The following AKT3 variants were observed in gnomAD, a reference collection of about 807,000 sequenced individuals.
AKT3 encodes the protein RAC-gamma serine/threonine-protein kinase.
AKT3 carries 15 observed loss-of-function variants against 65.3 expected under a neutral mutation model. The ratio of observed to expected loss-of-function variants is 0.23; its 90% CI spans 0.15 to 0.35. AKT3 has a LOEUF of 0.35. Among genes scored for constraint, AKT3 ranks in the 10% least tolerant of loss-of-function variants. AKT3 has a pLI of 1.00. For missense variants in AKT3, 243 were observed against 576.5 expected (o/e 0.42, Z 5.92); for synonymous variants, 206 against 183.8 (o/e 1.12, Z -0.98).
chr1:243,572,485 C>T (rs564227751), intron 9 of AKT3, among the ~76,000 whole-genome samples: 39 of 152,184 alleles, frequency 2.6e-4, no homozygotes, highest in Non-Finnish European at 5.0e-4. Context: ...AAATAAAACA[C>T]GAGGCACATT....
In AKT3 at chr1:243,501,484, A is replaced by ACAT. The variant is rs1669294860; in HGVS notation, c.*3762_*3764dup. On this transcript the variant is annotated 3_prime_UTR_variant, in exon 14 of 14. Coordinates refer to ENST00000673466, the MANE Select transcript of AKT3 (RefSeq NM_005465.7). ...CCTCCTTCATCCCTGGCTTCACAGT[A>ACAT]CATCCATCCTAAATCCAGTGCTGAG... The ACAT allele has an allele frequency of 1.3e-5, 3 of 233,122 alleles. No homozygotes were observed. In the South Asian group the frequency reaches 5.4e-4, roughly 42 times the overall value. The allele number at this position is 233,122 out of a possible 1,614,324, so 14.4% of individuals were successfully genotyped here.
chr1:243,709,781 A>G (rs2148070726), intron 2 of AKT3, among the ~76,000 whole-genome samples: 1 of 152,190 alleles, frequency 6.6e-6, no homozygotes, highest in East Asian at 1.9e-4. Context: ...AGATGCCAGG[A>G]AACAACAACT....
chr1:243,581,610 A>G (rs1675363055), intron 8 of AKT3, among the ~76,000 whole-genome samples: 1 of 152,130 alleles, frequency 6.6e-6, no homozygotes, highest in Admixed American at 6.5e-5. Context: ...CTGCATGAAA[A>G]TAATTACAGA....
chr1:243,636,612 C>T (rs930562240), intron 6 of AKT3, among the ~76,000 whole-genome samples: 2 of 152,088 alleles, frequency 1.3e-5, no homozygotes, highest in Non-Finnish European at 2.9e-5. Flanking sequence ...ATATTGAGCA[C>T]ATTCGGCTTC....
chr1:243,759,087 G>C (rs1689329285), intron 2 of AKT3, among the ~76,000 whole-genome samples: 2 of 152,196 alleles, frequency 1.3e-5, no homozygotes, highest in African/African-American at 4.8e-5. Context: ...GCCAAGGCAG[G>C]AGGATCACTT....
At chr1:243,613,065 A>T (rs1009023530) in intron 8 of AKT3, 2 of 108,304 alleles carry the variant, frequency 1.8e-5, no homozygotes, top group Non-Finnish European at 4.1e-5. Context: ...AATTATATAT[A>T]TATATATATA....
At chr1:243,736,786 A>C (rs1196653143) in intron 2 of AKT3, among the ~76,000 whole-genome samples, 1 of 152,190 alleles carries the variant, frequency 6.6e-6, no homozygotes, top group Admixed American at 6.5e-5. Flanking sequence ...TCTACTTTAA[A>C]ACACCTCAAA....
intron 1 of AKT3, among the ~76,000 whole-genome samples, chr1:243,848,744 A>AC (rs1170815890): frequency 6.6e-6 from 1 of 152,254 alleles, no homozygotes; most frequent in African/African-American, 2.4e-5. Flanking sequence ...TTTAGCCTCA[A>AC]CTAAAATCAA....
chr1:243,532,193 CAG>C (rs999480806), intron 12 of AKT3, among the ~76,000 whole-genome samples: 1 of 152,152 alleles, frequency 6.6e-6, no homozygotes, highest in African/African-American at 2.4e-5. Flanking sequence ...TTCCTTATCT[CAG>C]GGGAAAAACT....
intron 4 of AKT3, among the ~76,000 whole-genome samples, chr1:243,661,434 G>T (rs1470931608): frequency 2.6e-5 from 4 of 151,868 alleles, no homozygotes; most frequent in Non-Finnish European, 5.9e-5. Context: ...TGACAAACCT[G>T]AGAAAAACAA....
chr1:243,775,309 T>C (rs765481573), intron 2 of AKT3, among the ~76,000 whole-genome samples: 1 of 152,160 alleles, frequency 6.6e-6, no homozygotes, highest in African/African-American at 2.4e-5. Flanking sequence ...GCCACCCAAG[T>C]AGCTGGGACT....
intron 2 of AKT3, among the ~76,000 whole-genome samples, chr1:243,716,615 T>C (rs1686528425): frequency 6.6e-6 from 1 of 152,210 alleles, no homozygotes; most frequent in African/African-American, 2.4e-5. Context: ...AACAAACTCT[T>C]CATTTCTATA....
At chr1:243,809,913 C>A (rs1693015396) in intron 2 of AKT3, among the ~76,000 whole-genome samples, 2 of 152,310 alleles carry the variant, frequency 1.3e-5, no homozygotes, top group Non-Finnish European at 1.5e-5. Context: ...GGAAACTGAA[C>A]AACCTGCTCC....
intron 2 of AKT3, among the ~76,000 whole-genome samples, chr1:243,712,940 T>C (rs1472045604): frequency 6.6e-6 from 1 of 152,146 alleles, no homozygotes; most frequent in Non-Finnish European, 1.5e-5. Flanking sequence ...ATAGAATCCA[T>C]GACAACCATG....
chr1:243,631,332 G>A (rs1025503666), intron 6 of AKT3, among the ~76,000 whole-genome samples: 2 of 152,208 alleles, frequency 1.3e-5, no homozygotes, highest in Non-Finnish European at 2.9e-5. Context: ...TTTTTTTTGA[G>A]ACGAAGTCTT....
chr1:243,846,110 T>C, intron 1 of AKT3, among the ~76,000 whole-genome samples: 1 of 152,206 alleles, frequency 6.6e-6, no homozygotes, highest in East Asian at 1.9e-4. Flanking sequence ...ACATAGTTCA[T>C]GTCCTCAAAA....
intron 8 of AKT3, among the ~76,000 whole-genome samples, chr1:243,579,095 G>A (rs1296729594): frequency 6.6e-6 from 1 of 152,164 alleles, no homozygotes; most frequent in African/African-American, 2.4e-5. Flanking sequence ...TACCACTTGG[G>A]TCAAGGGAGA....
intron 11 of AKT3, among the ~76,000 whole-genome samples, chr1:243,549,318 G>A (rs1385801243): frequency 1.3e-5 from 2 of 152,058 alleles, no homozygotes; most frequent in African/African-American, 4.8e-5. Context: ...AAACCTCAGA[G>A]GGATTCCTAA....
chr1:243,845,806 C>T (rs2148483239), intron 1 of AKT3, among the ~76,000 whole-genome samples: 1 of 151,840 alleles, frequency 6.6e-6, no homozygotes, highest in South Asian at 2.1e-4. Flanking sequence ...ACTGAGCTAC[C>T]CAATAGGTAT....
Sources: allele counts gnomAD v4.1 joint callset (sites outside exome capture counted in the v4.1 genomes callset), GRCh38; gene constraint gnomAD v4.1.1; transcripts MANE v1.5; gene names NCBI Gene and HGNC (gene_info 2026-07-23, HGNC 2026-07-21).